The following BMP2K variants were observed in gnomAD, a reference collection of about 807,000 sequenced individuals.
The protein encoded by BMP2K is BMP-2-inducible protein kinase.
Under a neutral mutation model 116.0 loss-of-function variants are expected in BMP2K, and 74 were observed. The ratio of observed to expected loss-of-function variants is 0.64; its 90% CI spans 0.53 to 0.77. The LOEUF is 0.77. BMP2K is among the 30% of genes least tolerant of loss of function. The pLI is 0.00. For missense variants in BMP2K, 1,365 were observed against 1,403.6 expected (o/e 0.97, Z 0.44); for synonymous variants, 486 against 502.5 (o/e 0.97, Z 0.44).
intron 3 of BMP2K, among the ~76,000 whole-genome samples, chr4:78,837,522 T>C (rs950431209): frequency 6.6e-6 from 1 of 152,214 alleles, no homozygotes; most frequent in Admixed American, 6.5e-5. Flanking sequence ...CTCAGTGTTC[T>C]TTGCTAAAGT....
At chr4:78,850,895 AATG>A in intron 6 of BMP2K, 26 bp from the exon 7 acceptor site, 1 of 1,605,574 alleles carries the variant, frequency 6.2e-7, no homozygotes, top group East Asian at 2.3e-5. Flanking sequence ...CTTGAGCTCT[AATG>A]ATATTTATGC....
intron 1 of BMP2K, among the ~76,000 whole-genome samples, chr4:78,794,313 C>T (rs898683806): frequency 6.6e-6 from 1 of 152,050 alleles, no homozygotes. Context: ...TTTTAACAGA[C>T]CGTCATTAGG....
At chr4:78,906,198 T>G (rs1039966910) in intron 15 of BMP2K, 1 of 152,132 alleles carries the variant, frequency 6.6e-6, no homozygotes, top group Non-Finnish European at 1.5e-5. Context: ...TGTCTTAGTA[T>G]GCTTTCAGAG....
intron 1 of BMP2K, among the ~76,000 whole-genome samples, chr4:78,778,995 C>T (rs905189747): frequency 2.6e-5 from 4 of 152,176 alleles, no homozygotes; most frequent in Non-Finnish European, 5.9e-5. Flanking sequence ...AGATACTGTG[C>T]CCTGAAGTGT....
At chr4:78,777,112 A>T (rs1361296563) in intron 1 of BMP2K, among the ~76,000 whole-genome samples, 1 of 151,982 alleles carries the variant, frequency 6.6e-6, no homozygotes, top group African/African-American at 2.4e-5. Context: ...TGGCCTTTTC[A>T]TCTAAGCCTC....
intron 15 of BMP2K, among the ~76,000 whole-genome samples, chr4:78,891,388 G>C (rs1733428633): frequency 6.6e-6 from 1 of 151,956 alleles, no homozygotes; most frequent in African/African-American, 2.4e-5. Context: ...CATTGTGCTG[G>C]GGACCTAGTG....
rs34288286 is a variant in BMP2K, at chr4:78,786,405, ATGTGTGTGTGTGTGTGTG to A, written c.178+9714_178+9731del. Among the ~76,000 whole-genome samples the A allele has an allele frequency of 9.2e-4, 123 of 134,386 alleles. 1 individual carries two copies. In the Middle Eastern group the frequency reaches 0.011, roughly 12 times the overall value. 88.2% of individuals were successfully genotyped at this position (134,386 alleles called of 152,430 possible). ...AATTCTGTTGCTTATAAGCCACCCA[ATGTGTGTGTGTGTGTGTG>A]TGTGTGTGTGTGTGTGTGTGTGTGT... On this transcript the variant is annotated intron_variant, in intron 1 of 15. Coordinates refer to ENST00000502613, the MANE Select transcript of BMP2K (RefSeq NM_198892.2).
At chr4:78,801,290 C>T (rs1457812238) in intron 1 of BMP2K, among the ~76,000 whole-genome samples, 1 of 151,678 alleles carries the variant, frequency 6.6e-6, no homozygotes, top group Non-Finnish European at 1.5e-5. Flanking sequence ...GAAATGAATT[C>T]ACTTGCCATG....
At chr4:78,801,009 G>A (rs1728542598) in intron 1 of BMP2K, among the ~76,000 whole-genome samples, 1 of 152,052 alleles carries the variant, frequency 6.6e-6, no homozygotes, top group Admixed American at 6.6e-5. Context: ...TAAGATGGAG[G>A]TAGCTTATTC....
chr4:78,776,600 G>A lies in BMP2K; in HGVS notation c.57G>A (p.Ala19=), dbSNP rs1387383475. Residue 19 remains alanine (A), a synonymous_variant, in exon 1 of 16, where the codon GCG becomes GCA. Coordinates refer to ENST00000502613, the MANE Select transcript of BMP2K (RefSeq NM_198892.2). ...KSEGGSGGGA[A]GGGAGGAGAG... Reference sequence around the variant, plus strand: ...AGGGCGGCAGCGGCGGCGGAGCGGCGGGTGGCGGGGCTGGCGGGGCCGGGG... The same window carrying A: ...AGGGCGGCAGCGGCGGCGGAGCGGCAGGTGGCGGGGCTGGCGGGGCCGGGG... The A allele has an allele frequency of 8.4e-6, 10 of 1,185,370 alleles. No homozygotes were observed. Among genetic ancestry groups the A allele is most frequent in the Non-Finnish European group, 1.0e-5 (10 of 954,682 alleles). The allele number at this position is 1,185,370 out of a possible 1,614,324, so 73.4% of individuals were successfully genotyped here.
chr4:78,806,544 A>C (rs1184467635), intron 1 of BMP2K, among the ~76,000 whole-genome samples: 3 of 152,192 alleles, frequency 2.0e-5, no homozygotes, highest in Admixed American at 6.5e-5. Flanking sequence ...ATGACCTTTT[A>C]AAGTTTTTCC....
chr4:78,856,460 A>G (rs1731509287), intron 7 of BMP2K, among the ~76,000 whole-genome samples: 1 of 152,174 alleles, frequency 6.6e-6, no homozygotes, highest in African/African-American at 2.4e-5. Context: ...TCTCTTGAAG[A>G]GTTCAGTAAA....
intron 15 of BMP2K, among the ~76,000 whole-genome samples, chr4:78,900,951 A>G (rs1423749129): frequency 6.8e-6 from 1 of 146,504 alleles, no homozygotes; most frequent in Non-Finnish European, 1.5e-5. Flanking sequence ...AGTGTGGTTT[A>G]TCAAAAGACC....
At chr4:78,868,828 C>T (rs145123630) in intron 10 of BMP2K, among the ~76,000 whole-genome samples, 3,006 of 152,264 alleles carry the variant, frequency 0.02, 99 homozygotes, top group African/African-American at 0.069. Flanking sequence ...AAGGTGGGTT[C>T]CCATGGTCTT....
chr4:78,872,302 C>T (rs1349477611), intron 12 of BMP2K: 1 of 114,948 alleles, frequency 8.7e-6, no homozygotes, highest in African/African-American at 7.2e-5. Context: ...AATAATTTGA[C>T]CTTTTTTTTT....
chr4:78,826,657 A>G (rs1229805616), intron 2 of BMP2K, among the ~76,000 whole-genome samples: 2 of 152,164 alleles, frequency 1.3e-5, no homozygotes, highest in African/African-American at 4.8e-5. Flanking sequence ...CACTACGGAT[A>G]CTAAACTCTG....
chr4:78,890,975 G>T (rs1474803294), intron 15 of BMP2K, among the ~76,000 whole-genome samples: 1 of 152,158 alleles, frequency 6.6e-6, no homozygotes, highest in African/African-American at 2.4e-5. Flanking sequence ...TGGGAGGATT[G>T]CTTGCTTGAG....
intron 14 of BMP2K, among the ~76,000 whole-genome samples, chr4:78,884,711 G>A (rs945639297): frequency 6.6e-6 from 1 of 152,082 alleles, no homozygotes; most frequent in African/African-American, 2.4e-5. Context: ...CTGATACAAG[G>A]CATAATTACT....
chr4:78,870,330 GAAATGT>G (rs923130689), intron 10 of BMP2K, among the ~76,000 whole-genome samples: 78 of 152,304 alleles, frequency 5.1e-4, no homozygotes, highest in African/African-American at 1.8e-3. Flanking sequence ...AAGACAGACT[GAAATGT>G]AATAAACTGA....
Sources: gnomAD v4.1 joint callset for allele counts (sites outside exome capture counted in the v4.1 genomes callset) on GRCh38, gnomAD v4.1.1 for gene constraint, MANE v1.5 for transcripts, NCBI Gene and HGNC (gene_info 2026-07-23, HGNC 2026-07-21) for gene names.